Variants in TLN2 observed in about 807,000 individuals in gnomAD.
TLN2 encodes talin 2.
TLN2 carries 118 observed loss-of-function variants against 294.7 expected under a neutral mutation model. The ratio of observed to expected loss-of-function variants is 0.40; its 90% CI spans 0.34 to 0.47. The LOEUF is 0.47. Ranked by LOEUF, TLN2 falls within the 20% of genes least tolerant of loss-of-function variation. The probability of loss-of-function intolerance (pLI) is 0.84; values close to 1 mark genes in which losing one functional copy is unlikely to be tolerated. For synonymous variants in TLN2, 1,431 were observed against 1,304.5 expected, an observed-to-expected ratio of 1.10 and a Z score of -2.09; for missense variants, 3,083 against 3,282.2, an observed-to-expected ratio of 0.94 and a Z score of 1.48.
intron 1 of TLN2, among the ~76,000 whole-genome samples, chr15:62,551,548 A>ACACACACACACACACACAC (rs1567087965): frequency 3.4e-5 from 5 of 148,876 alleles, no homozygotes; most frequent in African/African-American, 1.2e-4. Flanking sequence ...ACACACACAC[A>ACACACACACACACACACAC]AATAGCCAGA....
intron 1 of TLN2, among the ~76,000 whole-genome samples, chr15:62,492,176 A>G (rs970144796): frequency 6.6e-6 from 1 of 152,090 alleles, no homozygotes; most frequent in African/African-American, 2.4e-5. Context: ...AACTGGCCGG[A>G]CGCGGTGGCT....
At chr15:62,786,979 C>T (rs528853220) in intron 45 of TLN2, among the ~76,000 whole-genome samples, 3 of 152,334 alleles carry the variant, frequency 2.0e-5, no homozygotes, top group African/African-American at 7.2e-5. Flanking sequence ...CAGCTTACTA[C>T]AGCCTTGAGC....
At chr15:62,550,097 G>A (rs2042213496) in intron 1 of TLN2, among the ~76,000 whole-genome samples, 1 of 152,132 alleles carries the variant, frequency 6.6e-6, no homozygotes, top group African/African-American at 2.4e-5. Context: ...GGCTGGGGTA[G>A]GGGAAGAGCA....
At chr15:62,743,733 C>T (rs2140976893) in intron 32 of TLN2, among the ~76,000 whole-genome samples, 1 of 152,242 alleles carries the variant, frequency 6.6e-6, no homozygotes, top group African/African-American at 2.4e-5. Flanking sequence ...AAGGGGGTAT[C>T]CTACCTCTGA....
At chr15:62,540,535 T>C (rs973298534) in intron 1 of TLN2, among the ~76,000 whole-genome samples, 1 of 151,900 alleles carries the variant, frequency 6.6e-6, no homozygotes, top group Non-Finnish European at 1.5e-5. Context: ...GAAAGAAGTG[T>C]TAACCATAAT....
At chr15:62,590,828 T>A (rs977643820) in intron 2 of TLN2, among the ~76,000 whole-genome samples, 1 of 152,170 alleles carries the variant, frequency 6.6e-6, no homozygotes, top group Non-Finnish European at 1.5e-5. Flanking sequence ...GATGTATCAG[T>A]TCTGTTCCTG....
At chr15:62,436,183 T>C (rs1424178508) in intron 1 of TLN2, among the ~76,000 whole-genome samples, 1 of 152,210 alleles carries the variant, frequency 6.6e-6, no homozygotes, top group East Asian at 1.9e-4. Flanking sequence ...TATTCAGTCA[T>C]CCATTGATCT....
chr15:62,451,062 G>A (rs2036114258), intron 1 of TLN2, among the ~76,000 whole-genome samples: 1 of 151,140 alleles, frequency 6.6e-6, no homozygotes, highest in Non-Finnish European at 1.5e-5. Context: ...GTCCTACCTT[G>A]GCCTCTGAGA....
At chr15:62,817,728 C>T (rs1054879419) in intron 52 of TLN2, among the ~76,000 whole-genome samples, 8 of 151,740 alleles carry the variant, frequency 5.3e-5, no homozygotes, top group Non-Finnish European at 1.0e-4. Flanking sequence ...GAGTGTGGGG[C>T]ACCAAGAAGG....
intron 37 of TLN2, among the ~76,000 whole-genome samples, chr15:62,756,474 C>T (rs2062257685): frequency 6.6e-6 from 1 of 152,134 alleles, no homozygotes; most frequent in Non-Finnish European, 1.5e-5. Flanking sequence ...AGGCAGAAGG[C>T]CCAGCACCAT....
Position 62,697,817 on chromosome 15 carries a change from A to G in TLN2, c.1422A>G (p.Pro474=), listed in dbSNP as rs1326599026. The part of the protein sequence containing the change: ...ETFNVGSMPS[P]QQQVMVGQMH... ...TCAACGTTGGCAGCATGCCCTCGCC[A>G]CAGCAGCAGGTCATGGTTGGGCAGA... The change falls in exon 15 of 59, where the codon CCA becomes CCG. Residue 474 remains proline (P), a synonymous_variant. Transcript: ENST00000636159. 3.7e-6 allele frequency: 6 copies of G among 1,613,086 alleles called. No individual in the cohort carries two copies. The highest frequency in any genetic ancestry group is 5.1e-6 in the Non-Finnish European group (6 of 1,179,888).
chr15:62,411,332 C>T (rs980822860), intron 1 of TLN2, among the ~76,000 whole-genome samples: 2 of 151,854 alleles, frequency 1.3e-5, no homozygotes, highest in African/African-American at 4.8e-5. Flanking sequence ...GAAGTTATTG[C>T]AAGGATTTAG....
intron 1 of TLN2, among the ~76,000 whole-genome samples, chr15:62,581,156 A>C (rs1167569441): frequency 6.6e-6 from 1 of 152,166 alleles, no homozygotes; most frequent in Admixed American, 6.5e-5. Context: ...CCATGATTAC[A>C]GGTGTGAGAC....
intron 22 of TLN2, among the ~76,000 whole-genome samples, chr15:62,716,067 A>G (rs547816183): frequency 6.6e-6 from 1 of 152,316 alleles, no homozygotes; most frequent in East Asian, 1.9e-4. Context: ...TCCACAGGTT[A>G]ATTTGTATGG....
intron 1 of TLN2, among the ~76,000 whole-genome samples, chr15:62,480,473 C>A (rs1358545341): frequency 6.6e-6 from 1 of 152,200 alleles, no homozygotes; most frequent in Non-Finnish European, 1.5e-5. Context: ...ATAACAGCCA[C>A]CTCGGCCTCC....
chr15:62,587,461 C>G (rs551835369), intron 1 of TLN2, among the ~76,000 whole-genome samples: 1 of 152,310 alleles, frequency 6.6e-6, no homozygotes, highest in South Asian at 2.1e-4. Flanking sequence ...ACAAATGAAT[C>G]ATACTGCATA....
chr15:62,782,740 G>A (rs1408770368), intron 44 of TLN2, among the ~76,000 whole-genome samples: 1 of 152,228 alleles, frequency 6.6e-6, no homozygotes, highest in African/African-American at 2.4e-5. Flanking sequence ...CCTGGGACGT[G>A]TCCTTGTACA....
chr15:62,613,047 T>A (rs1411909927), intron 2 of TLN2, among the ~76,000 whole-genome samples: 5 of 152,194 alleles, frequency 3.3e-5, no homozygotes, highest in African/African-American at 4.8e-5. Context: ...TTCAGACTTC[T>A]GGGTTCAAAT....
At chr15:62,788,076 C>T (rs4356424) in intron 45 of TLN2, among the ~76,000 whole-genome samples, 4 of 149,922 alleles carry the variant, frequency 2.7e-5, no homozygotes, top group African/African-American at 9.8e-5. Context: ...TTTGGGAGGC[C>T]GAGATGAGTG....
Sources: gnomAD v4.1 joint callset for allele counts (sites outside exome capture counted in the v4.1 genomes callset) on GRCh38, gnomAD v4.1.1 for gene constraint, MANE v1.5 for transcripts, NCBI Gene and HGNC (gene_info 2026-07-23, HGNC 2026-07-21) for gene names.